Variants in WDR41 observed in about 807,000 individuals in gnomAD.
WDR41 encodes WD repeat domain 41, also known as WD repeat-containing protein 41.
WDR41 carries 63 observed loss-of-function variants against 69.3 expected under a neutral mutation model. That is an observed-to-expected ratio of 0.91 (90% CI 0.74 to 1.12). WDR41 has a LOEUF of 1.12. Among genes scored for constraint, WDR41 ranks in the 50% most tolerant of loss-of-function variants. WDR41 has a pLI of 0.00. For missense variants in WDR41, 543 were observed against 534.5 expected (o/e 1.02, Z -0.16); for synonymous variants, 185 against 192.1 (o/e 0.96, Z 0.31).
intron 8 of WDR41, among the ~76,000 whole-genome samples, chr5:77,447,318 G>A (rs1287372997): frequency 6.6e-6 from 1 of 152,188 alleles, no homozygotes; most frequent in East Asian, 1.9e-4. Context: ...CTGTTGGTGG[G>A]AGTGTAAATT....
chr5:77,599,493 C>A (rs1744287157), intron 1 of WDR41, among the ~76,000 whole-genome samples: 2 of 152,130 alleles, frequency 1.3e-5, no homozygotes. Flanking sequence ...AGTCACCACA[C>A]CCTGCCTGGA....
intron 12 of WDR41, among the ~76,000 whole-genome samples, chr5:77,434,681 AGT>A (rs1182173683): frequency 1.3e-5 from 2 of 152,086 alleles, no homozygotes; most frequent in Admixed American, 1.3e-4. Flanking sequence ...TGGGCAACAG[AGT>A]GAGATGCTGT....
intron 1 of WDR41, chr5:77,545,686 G>T: frequency 4.3e-6 from 2 of 465,178 alleles, no homozygotes; most frequent in East Asian, 3.7e-5. Flanking sequence ...CAAGGATGAG[G>T]TTTTAAAGGT....
chr5:77,536,568 TAAC>T (rs1742987471), intron 1 of WDR41, among the ~76,000 whole-genome samples: 1 of 152,150 alleles, frequency 6.6e-6, no homozygotes, highest in Non-Finnish European at 1.5e-5. Context: ...TGCACCATAT[TAAC>T]AACATTTCAG....
At chr5:77,479,146 C>G (rs1279806651) in intron 2 of WDR41, among the ~76,000 whole-genome samples, 2 of 151,972 alleles carry the variant, frequency 1.3e-5, no homozygotes, top group Non-Finnish European at 2.9e-5. Flanking sequence ...AGGAGAACTA[C>G]AAACCACTGC....
intron 1 of WDR41, among the ~76,000 whole-genome samples, chr5:77,548,765 A>G (rs1273717657): frequency 2.0e-5 from 3 of 152,234 alleles, no homozygotes; most frequent in Admixed American, 6.5e-5. Context: ...TGATCCAGCA[A>G]TCCCACTGCT....
At chr5:77,457,239 A>AG (rs2151313754) in intron 5 of WDR41, among the ~76,000 whole-genome samples, 1 of 152,292 alleles carries the variant, frequency 6.6e-6, no homozygotes, top group South Asian at 2.1e-4. Flanking sequence ...AGCTTATTCC[A>AG]GGGATAAATC....
chr5:77,490,748 T>C (rs567897641), intron 1 of WDR41, among the ~76,000 whole-genome samples: 94 of 152,266 alleles, frequency 6.2e-4, no homozygotes, highest in African/African-American at 2.1e-3. Flanking sequence ...AATAACATGA[T>C]TAACCAAAGA....
At chr5:77,615,075 T>A (rs1047895082) in intron 1 of WDR41, among the ~76,000 whole-genome samples, 1 of 151,960 alleles carries the variant, frequency 6.6e-6, no homozygotes, top group Non-Finnish European at 1.5e-5. Flanking sequence ...TGCAAATGGG[T>A]TGGAGGAAAT....
intron 12 of WDR41, among the ~76,000 whole-genome samples, chr5:77,434,060 T>C (rs1341311005): frequency 1.3e-5 from 2 of 152,200 alleles, no homozygotes; most frequent in Non-Finnish European, 2.9e-5. Context: ...CCGGGCGTGG[T>C]GGCTCACACC....
At chr5:77,543,399 C>T (rs1743129124) in intron 1 of WDR41, among the ~76,000 whole-genome samples, 1 of 151,820 alleles carries the variant, frequency 6.6e-6, no homozygotes, top group Non-Finnish European at 1.5e-5. Flanking sequence ...TAAGGAAATC[C>T]AAAAAACGAT....
intron 2 of WDR41, among the ~76,000 whole-genome samples, chr5:77,488,730 A>G (rs1307443001): frequency 6.6e-6 from 1 of 152,190 alleles, no homozygotes; most frequent in Admixed American, 6.5e-5. Flanking sequence ...AAGGCACTGT[A>G]CTAGGTACTA....
chr5:77,436,319 G>T lies in WDR41; in HGVS notation c.1169C>A (p.Ala390Asp). 1 of 1,614,106 alleles carries T rather than the reference G, an allele frequency of 6.2e-7. No homozygotes were observed. Among genetic ancestry groups the T allele is most frequent in the African/African-American group, 1.3e-5 (1 of 75,034 alleles). The change falls in exon 12 of 13, where the codon GCT becomes GAT. Residue 390 changes from alanine (A) to aspartate (D), a missense_variant. By Grantham distance (126) the Ala-to-Asp change is moderately radical. Coordinates refer to ENST00000296679, the MANE Select transcript of WDR41 (RefSeq NM_018268.4). The part of the protein sequence containing the change: ...SQPVKKQQEN[A>D]TSCSLELIGD... ...AATAAGCTCCAGTGAACATGAAGTAGCATTTTCTTGCTGCTTTTTAACAGG... is the reference window on the plus strand; with the variant it reads ...AATAAGCTCCAGTGAACATGAAGTATCATTTTCTTGCTGCTTTTTAACAGG...
At chr5:77,566,531 C>T (rs1363650748) in intron 1 of WDR41, among the ~76,000 whole-genome samples, 1 of 152,154 alleles carries the variant, frequency 6.6e-6, no homozygotes, top group African/African-American at 2.4e-5. Context: ...CAAGCCAAGA[C>T]ACATATTTCA....
chr5:77,541,272 C>T (rs761850778), intron 1 of WDR41, among the ~76,000 whole-genome samples: 1 of 151,970 alleles, frequency 6.6e-6, no homozygotes, highest in Non-Finnish European at 1.5e-5. Flanking sequence ...AAGCAAACAA[C>T]CCCAATATAA....
At chr5:77,435,169 T>C (rs1479671430) in intron 12 of WDR41, among the ~76,000 whole-genome samples, 2 of 152,204 alleles carry the variant, frequency 1.3e-5, no homozygotes, top group African/African-American at 2.4e-5. Flanking sequence ...ACTGAGCTAC[T>C]TGTTAGAGGA....
chr5:77,612,087 A>C (rs574151442), intron 1 of WDR41, among the ~76,000 whole-genome samples: 2 of 152,290 alleles, frequency 1.3e-5, no homozygotes, highest in East Asian at 3.9e-4. Flanking sequence ...CCAAGACTAA[A>C]CCAGGAAGAA....
chr5:77,561,983 A>C (rs1743535065), intron 1 of WDR41, among the ~76,000 whole-genome samples: 1 of 152,194 alleles, frequency 6.6e-6, no homozygotes, highest in Non-Finnish European at 1.5e-5. Flanking sequence ...AGTACTTAAA[A>C]GGTCAGTTCC....
At chr5:77,552,020 TAAAATAAAATAAAATAAAATA>T (rs1743309219) in intron 1 of WDR41, among the ~76,000 whole-genome samples, 1 of 129,768 alleles carries the variant, frequency 7.7e-6, no homozygotes, top group South Asian at 2.3e-4. Flanking sequence ...TAAAATAAAA[TAAAATAAAATAAAATAAAATA>T]AAATAAAATA....
Sources: allele counts gnomAD v4.1 joint callset (sites outside exome capture counted in the v4.1 genomes callset), GRCh38; gene constraint gnomAD v4.1.1; transcripts MANE v1.5; gene names NCBI Gene and HGNC (gene_info 2026-07-23, HGNC 2026-07-21).